DISC1: variants seen among roughly 807,000 people sequenced by gnomAD.
DISC1 encodes disrupted in schizophrenia 1 protein.
DISC1 carries 57 observed loss-of-function variants against 84.5 expected under a neutral mutation model. The observed-to-expected ratio is 0.67, with a 90% confidence interval of 0.55 to 0.84. DISC1 has a LOEUF of 0.84. Ranked by LOEUF, DISC1 falls within the 40% of genes least tolerant of loss-of-function variation. The pLI is 0.00. For missense variants in DISC1, 1,000 were observed against 1,057.8 expected, an observed-to-expected ratio of 0.95 and a Z score of 0.76; for synonymous variants, 411 against 415.2, an observed-to-expected ratio of 0.99 and a Z score of 0.12.
chr1:231,668,414 TTTATAGATCGCTTGGGAACA>T (rs2062229539), intron 1 of DISC1, among the ~76,000 whole-genome samples: 2 of 152,166 alleles, frequency 1.3e-5, no homozygotes, highest in Admixed American at 6.5e-5. Flanking sequence ...CTAGAATAAC[TTTATAGATCGCTTGGGAACA>T]TTTTTCACCT....
intron 9 of DISC1, among the ~76,000 whole-genome samples, chr1:231,887,582 T>G (rs2086860015): frequency 6.6e-6 from 1 of 152,248 alleles, no homozygotes. Flanking sequence ...ACTTGTGAGT[T>G]ATACCATTAA....
chr1:231,642,599 G>T (rs984632415), intron 1 of DISC1, among the ~76,000 whole-genome samples: 3 of 152,296 alleles, frequency 2.0e-5, no homozygotes, highest in Admixed American at 1.3e-4. Flanking sequence ...TACAGTTCTA[G>T]GCCCAGTAAA....
intron 3 of DISC1, among the ~76,000 whole-genome samples, chr1:231,739,394 A>C (rs1025629178): frequency 6.6e-6 from 1 of 152,080 alleles, no homozygotes; most frequent in African/African-American, 2.4e-5. Flanking sequence ...TGTCTTCCCC[A>C]TCTGTTGCTG....
chr1:231,833,235 T>C (rs935122416), intron 9 of DISC1, among the ~76,000 whole-genome samples: 6 of 150,886 alleles, frequency 4.0e-5, no homozygotes, highest in Non-Finnish European at 5.9e-5. Context: ...AAAAGAGTAT[T>C]GTCAAAGTTG....
At chr1:232,007,680 G>C (rs1667626336) in intron 10 of DISC1, among the ~76,000 whole-genome samples, 2 of 152,174 alleles carry the variant, frequency 1.3e-5, no homozygotes, top group Non-Finnish European at 2.9e-5. Flanking sequence ...GGAATTTTGG[G>C]CTAATGCTGG....
At chr1:231,731,644 G>T (rs201182142) in intron 3 of DISC1, among the ~76,000 whole-genome samples, 3 of 151,980 alleles carry the variant, frequency 2.0e-5, no homozygotes, top group Non-Finnish European at 4.4e-5. Flanking sequence ...TTAATTTTGT[G>T]CACTGAAAGA....
chr1:231,851,348 C>G (rs2083883456), intron 9 of DISC1, among the ~76,000 whole-genome samples: 1 of 152,184 alleles, frequency 6.6e-6, no homozygotes, highest in Non-Finnish European at 1.5e-5. Flanking sequence ...CTTGAGGAAC[C>G]TGAATGTACA....
At chr1:231,820,209 C>T (rs2081388384) in intron 9 of DISC1, among the ~76,000 whole-genome samples, 1 of 151,984 alleles carries the variant, frequency 6.6e-6, no homozygotes, top group African/African-American at 2.4e-5. Context: ...TTAGGTGAAC[C>T]AAATTAATAA....
rs113468258 is a variant in DISC1 at position 231,651,071 on chromosome 1, C to T, written c.67+24137C>T. ...CTTCTGAAGTCTACTTGTGTCAGCT[C>T]GTCAAAGTCATTCTCTGTCCAGCTT... On this transcript the variant is annotated intron_variant, in intron 1 of 12. Transcript: ENST00000439617. Among the ~76,000 whole-genome samples the T allele has an allele frequency of 9.8e-4, 150 of 152,294 alleles. 1 individual carries two copies. Among genetic ancestry groups the T allele is most frequent in the African/African-American group, 3.1e-3 (130 of 41,560 alleles).
At chr1:231,646,635 A>T (rs550553636) in intron 1 of DISC1, among the ~76,000 whole-genome samples, 8 of 152,322 alleles carry the variant, frequency 5.3e-5, no homozygotes, top group African/African-American at 1.9e-4. Context: ...GAATCGCCGC[A>T]CTGTCTTCCA....
intron 12 of DISC1, among the ~76,000 whole-genome samples, chr1:232,032,435 T>G (rs1040683732): frequency 6.6e-6 from 1 of 152,210 alleles, no homozygotes; most frequent in Non-Finnish European, 1.5e-5. Flanking sequence ...GCTGTCTTAC[T>G]CCTTTGCTAA....
At chr1:231,795,069 CTAG>C (rs2078652573) in intron 6 of DISC1, among the ~76,000 whole-genome samples, 170 bp from the exon 7 acceptor site, 1 of 152,142 alleles carries the variant, frequency 6.6e-6, no homozygotes, top group African/African-American at 2.4e-5. Context: ...GGTCTGTTTC[CTAG>C]CACCATATTT....
At chr1:231,848,738 G>C (rs2083641610) in intron 9 of DISC1, among the ~76,000 whole-genome samples, 1 of 152,054 alleles carries the variant, frequency 6.6e-6, no homozygotes, top group South Asian at 2.1e-4. Flanking sequence ...TTCAGTTTTT[G>C]TGCATAGGTG....
intron 8 of DISC1, among the ~76,000 whole-genome samples, chr1:231,812,530 C>T (rs561030896): frequency 6.6e-6 from 1 of 152,132 alleles, no homozygotes; most frequent in African/African-American, 2.4e-5. Flanking sequence ...ATGGCAAATT[C>T]TAGCTGAATT....
At chr1:231,743,600 G>A (rs185747093) in intron 3 of DISC1, among the ~76,000 whole-genome samples, 1 of 152,284 alleles carries the variant, frequency 6.6e-6, no homozygotes, top group Non-Finnish European at 1.5e-5. Flanking sequence ...TGAACGCTTG[G>A]TGTCAGTTAA....
chr1:231,772,520 A>C (rs1351672246), intron 6 of DISC1, among the ~76,000 whole-genome samples: 1 of 152,026 alleles, frequency 6.6e-6, no homozygotes, highest in Admixed American at 6.6e-5. Flanking sequence ...TTAACTCCTC[A>C]CTCAACTCAT....
At chr1:231,915,405 C>T (rs935259205) in intron 9 of DISC1, among the ~76,000 whole-genome samples, 42 of 152,228 alleles carry the variant, frequency 2.8e-4, no homozygotes, top group African/African-American at 8.2e-4. Context: ...TGCCCAATGA[C>T]ACTCCCACTC....
intron 10 of DISC1, among the ~76,000 whole-genome samples, chr1:231,971,673 A>G (rs995027302): frequency 1.3e-5 from 2 of 152,144 alleles, no homozygotes; most frequent in Non-Finnish European, 2.9e-5. Context: ...TGACACCAGG[A>G]TGGGTTCTAA....
In DISC1 at chr1:231,630,055, T is replaced by A. The variant is rs2058584368; in HGVS notation, c.67+3121T>A. Among the ~76,000 whole-genome samples, 1 of 152,058 alleles carries A rather than the reference T, an allele frequency of 6.6e-6. No homozygotes were observed. Among genetic ancestry groups the A allele is most frequent in the African/African-American group, 2.4e-5 (1 of 41,404 alleles). On this transcript the variant is annotated intron_variant, in intron 1 of 12. Coordinates refer to ENST00000439617, the MANE Select transcript of DISC1 (RefSeq NM_018662.3). This position sits in a 1 kb window ranked among gnomAD's most constrained non-coding sequence, Gnocchi z 4.4. The stretch of plus-strand genomic sequence containing the variant: ...CAAGCGATTCTCCTGCCTCAGCCTC[T>A]CGAGTAGTGGGATTACAGGCGCCCA...
Sources: allele counts gnomAD v4.1 joint callset (sites outside exome capture counted in the v4.1 genomes callset), GRCh38; gene constraint gnomAD v4.1.1; non-coding constraint Gnocchi (gnomAD v3.1); transcripts MANE v1.5; gene names NCBI Gene and HGNC (gene_info 2026-07-23, HGNC 2026-07-21).